The following CD8B2 variants were observed in gnomAD, a reference collection of about 807,000 sequenced individuals.
CD8B2 encodes CD8B family member 2.
CD8B2 carries 11 observed loss-of-function variants against 23.7 expected under a neutral mutation model. The observed-to-expected ratio is 0.46, with a 90% CI of 0.29 to 0.77. CD8B2 has a LOEUF of 0.77. Ranked by LOEUF, CD8B2 falls within the 30% of genes least tolerant of loss-of-function variation. The pLI is 0.09. For synonymous variants in CD8B2, 90 were observed against 109.3 expected, an observed-to-expected ratio of 0.82 and a Z score of 1.10; for missense variants, 197 against 270.5, an observed-to-expected ratio of 0.73 and a Z score of 1.91.
In CD8B2 at chr2:106,508,637, C is replaced by T. The variant is rs1179589616; in HGVS notation, c.*1697C>T. 6.6e-6 allele frequency: 1 copy of T among 152,108 alleles called. No individual in the cohort carries two copies. The highest frequency in any genetic ancestry group is 1.5e-5 in the Non-Finnish European group (1 of 68,024). The allele number at this position is 152,108 out of a possible 1,614,324, so 9.4% of individuals were successfully genotyped here. A position where few individuals can be genotyped will look rare whatever the true frequency, so the allele number is the denominator to read the frequency against. On this transcript the variant is annotated 3_prime_UTR_variant, in exon 6 of 6. Coordinates refer to ENST00000643224, the MANE Select transcript of CD8B2 (RefSeq NM_001349727.2). ...GACCCTAAGCAGATAGCCCATGGGCCCAATTGCAAAGTTTTCTGGGTTTTA... is the reference window on the plus strand; with the variant it reads ...GACCCTAAGCAGATAGCCCATGGGCTCAATTGCAAAGTTTTCTGGGTTTTA...
chr2:106,496,635 G>T (rs1260067419), intron 3 of CD8B2, among the ~76,000 whole-genome samples: 4 of 151,892 alleles, frequency 2.6e-5, no homozygotes, highest in Non-Finnish European at 5.9e-5. Context: ...CCATAATAAA[G>T]AATAAAATGA....
chr2:106,526,074 C>A (rs913058766), intron 5 of CD8B2, among the ~76,000 whole-genome samples: 2 of 152,100 alleles, frequency 1.3e-5, no homozygotes, highest in Non-Finnish European at 2.9e-5. Flanking sequence ...AACCCTGTCT[C>A]TACTAAAATA....
intron 5 of CD8B2, chr2:106,543,844 T>A: frequency 2.5e-6 from 1 of 394,688 alleles, no homozygotes; most frequent in African/African-American, 2.1e-5. Flanking sequence ...ATTTCAAGCT[T>A]TCTATGAGTT....
chr2:106,491,065 A>G lies in CD8B2; in HGVS notation c.235A>G (p.Thr79Ala). The change falls in exon 2 of 6, where the codon ACT (threonine) becomes GCT (alanine). Residue 79 changes from threonine to alanine, a missense_variant. Thr to Ala is a moderately conservative substitution (Grantham distance 58, BLOSUM62 0). This residue lies in a region of CD8B2 where 140 missense variants were observed against 164.2 expected (regional missense o/e 0.85). Transcript: ENST00000643224. Reference sequence around the variant, plus strand: ...GACCCTCTGGGATTCCGCAAAAGGGACTATCCACGGTGAAGAGGTGGAACA... The same window carrying G: ...GACCCTCTGGGATTCCGCAAAAGGGGCTATCCACGGTGAAGAGGTGGAACA... The part of the protein sequence containing the change: ...FLTLWDSAKG[T>A]IHGEEVEQEK... 3.1e-6 allele frequency: 5 copies of G among 1,613,966 alleles called. No individual in the cohort carries two copies. The highest frequency in any genetic ancestry group is 3.4e-6 in the Non-Finnish European group (4 of 1,179,836).
At chr2:106,543,916 G>T (rs1473863624) in intron 5 of CD8B2, 2 of 398,144 alleles carry the variant, frequency 5.0e-6, no homozygotes, top group Non-Finnish European at 8.9e-6. Flanking sequence ...TGAAAGTTTT[G>T]TGATGTACAT....
chr2:106,530,197 C>T (rs1031069604), intron 5 of CD8B2, among the ~76,000 whole-genome samples: 9 of 152,182 alleles, frequency 5.9e-5, no homozygotes, highest in African/African-American at 1.4e-4. Flanking sequence ...CTGTGAAGGA[C>T]GGATCCCAGA....
chr2:106,529,792 G>A (rs1480732357), intron 5 of CD8B2, among the ~76,000 whole-genome samples: 1 of 152,162 alleles, frequency 6.6e-6, no homozygotes, highest in African/African-American at 2.4e-5. Flanking sequence ...TTCCCACACT[G>A]GCTGGGGTGG....
chr2:106,517,208 C>G (rs1679742121), intron 5 of CD8B2, among the ~76,000 whole-genome samples: 1 of 151,918 alleles, frequency 6.6e-6, no homozygotes, highest in African/African-American at 2.4e-5. Context: ...TCCTGGGCTC[C>G]TGCTTTTTCT....
Position 106,507,299 on chromosome 2 carries a change from T to C in CD8B2, c.*359T>C. 9.4e-7 allele frequency: 1 copy of C among 1,061,990 alleles called. No individual in the cohort carries two copies. The highest frequency in any genetic ancestry group is 1.1e-6 in the Non-Finnish European group (1 of 879,202). The allele number at this position is 1,061,990 out of a possible 1,614,324, so 65.8% of individuals were successfully genotyped here. On this transcript the variant is annotated 3_prime_UTR_variant, in exon 6 of 6. Transcript: ENST00000643224. ...ACCATCTTTGCAAGTTGCTTTGCCC[T>C]GGTAGGGCAGTAACATTGGGTCCTG...
intron 5 of CD8B2, among the ~76,000 whole-genome samples, chr2:106,542,722 CATACTATATATGAAATATATATGAAAT>C (rs1302470695): frequency 2.7e-5 from 4 of 146,862 alleles, no homozygotes; most frequent in African/African-American, 1.0e-4. Flanking sequence ...ATATATGAAA[CATACTATATATGAAATATATATGAAAT>C]ACATACTATA....
At position 106,509,335 on chromosome 2, in the gene CD8B2, T is replaced by G. The variant is rs1417198247; in HGVS notation, c.*2395T>G. ...ATTGGGGTCAGCTGGACCAGACTCC[T>G]CTAGGGTTCGTGTTTCAGGTGGGCC... On this transcript the variant is annotated 3_prime_UTR_variant, in exon 6 of 6. Coordinates refer to ENST00000643224, the MANE Select transcript of CD8B2 (RefSeq NM_001349727.2). 6.6e-6 allele frequency: 1 copy of G among 152,074 alleles called. No homozygotes were observed. Among genetic ancestry groups the G allele is most frequent in the Admixed American group, 6.6e-5 (1 of 15,264 alleles). 9.4% of individuals were successfully genotyped at this position (152,074 alleles called of 1,614,324 possible).
At chr2:106,514,436 C>T (rs182993142), downstream of CD8B2, among the ~76,000 whole-genome samples, 15 of 151,844 alleles carry the variant, frequency 9.9e-5, no homozygotes, top group East Asian at 3.9e-4. Context: ...TACAGGTGCG[C>T]GCCATCATGC....
chr2:106,505,924 G>T (rs1205641178), intron 5 of CD8B2, among the ~76,000 whole-genome samples: 2 of 152,162 alleles, frequency 1.3e-5, no homozygotes, highest in African/African-American at 4.8e-5. Flanking sequence ...CTGAGGTCAG[G>T]AGTTTGAGAC....
intron 5 of CD8B2, among the ~76,000 whole-genome samples, chr2:106,542,308 C>G (rs918204916): frequency 1.2e-4 from 18 of 152,334 alleles, no homozygotes; most frequent in Admixed American, 9.8e-4. Context: ...TCTGACTTCT[C>G]TTGCCATCTT....
At chr2:106,531,577 G>T (rs986177304) in intron 5 of CD8B2, among the ~76,000 whole-genome samples, 2 of 152,078 alleles carry the variant, frequency 1.3e-5, no homozygotes, top group African/African-American at 4.8e-5. Context: ...GAGTCCCTAG[G>T]GCCATGTGAG....
At chr2:106,493,063 A>C (rs4366905) in intron 2 of CD8B2, among the ~76,000 whole-genome samples, 149,131 of 152,136 alleles carry the variant, frequency 0.98, 73,161 homozygotes, top group East Asian at 1. Context: ...TCCTGACTTC[A>C]GTGTTTCCAA....
intron 4 of CD8B2, among the ~76,000 whole-genome samples, chr2:106,504,045 T>A (rs933512588): frequency 1.3e-5 from 2 of 152,210 alleles, no homozygotes; most frequent in East Asian, 3.8e-4. Flanking sequence ...TGTTATCCAG[T>A]AATTCACTCA....
chr2:106,538,627 C>T (rs1440492045), intron 5 of CD8B2, among the ~76,000 whole-genome samples: 1 of 152,162 alleles, frequency 6.6e-6, no homozygotes, highest in African/African-American at 2.4e-5. Context: ...CTGTAACACC[C>T]TTCCCCACCT....
chr2:106,497,686 C>T (rs1327411352), intron 3 of CD8B2, among the ~76,000 whole-genome samples: 1 of 152,090 alleles, frequency 6.6e-6, no homozygotes, highest in Non-Finnish European at 1.5e-5. Context: ...GGGAAGCTGC[C>T]GTCACATGAG....
Sources: allele counts gnomAD v4.1 joint callset (sites outside exome capture counted in the v4.1 genomes callset), GRCh38; gene constraint gnomAD v4.1.1; regional missense constraint gnomAD v4.1.1; transcripts MANE v1.5; gene names NCBI Gene and HGNC (gene_info 2026-07-23, HGNC 2026-07-21).